The following STIL variants were observed in gnomAD, a reference collection of about 807,000 sequenced individuals.
STIL encodes the protein STIL centriolar assembly protein, also known as SCL-interrupting locus protein.
Under a neutral mutation model 110.1 loss-of-function variants are expected in STIL, and 55 were observed. That is an observed-to-expected ratio of 0.50 (90% CI 0.40 to 0.63). STIL has a LOEUF of 0.63. STIL is among the 20% of genes least tolerant of loss of function. The pLI, the probability that STIL is intolerant of heterozygous loss-of-function variation, is 0.00. For missense variants in STIL, 1,358 were observed against 1,530.0 expected, an observed-to-expected ratio of 0.89 and a Z score of 1.87; for synonymous variants, 481 against 530.0, an observed-to-expected ratio of 0.91 and a Z score of 1.27.
At chr1:47,310,193 T>G (rs1646081115) in intron 2 of STIL, 83 bp downstream of exon 2, 1 of 1,368,214 alleles carries the variant, frequency 7.3e-7, no homozygotes, top group Non-Finnish European at 1.0e-6. Context: ...TTCTAAAGAT[T>G]ATATTCTTTT....
intron 15 of STIL, among the ~76,000 whole-genome samples, chr1:47,261,907 C>CA (rs200699660): frequency 0.019 from 1,535 of 81,910 alleles, 14 homozygotes; most frequent in Middle Eastern, 0.07. Flanking sequence ...GACTCTGTCT[C>CA]AAAAAAAAAA....
chr1:47,305,207 C>A, intron 2 of STIL: 1 of 455,810 alleles, frequency 2.2e-6, no homozygotes, highest in South Asian at 2.5e-5. Flanking sequence ...CTCACTGCAA[C>A]CTCTGCCTCC....
At chr1:47,268,996 C>CTG (rs56132827) in intron 14 of STIL, among the ~76,000 whole-genome samples, 1 of 150,390 alleles carries the variant, frequency 6.6e-6, no homozygotes, top group Non-Finnish European at 1.5e-5. Flanking sequence ...ACACGGGAGG[C>CTG]AGGAGAATGG....
Position 47,310,323 on chromosome 1 carries a change from G to T in STIL, c.-4C>A. 1 of 1,612,486 alleles carries T rather than the reference G, an allele frequency of 6.2e-7. No homozygotes were observed. The highest frequency in any genetic ancestry group is 2.2e-5 in the East Asian group (1 of 44,800). Reference sequence around the variant, plus strand: ...CAAAAGGATATATAGGCTCCATGATGTCTGGTGAATGATTTCTTTAATTCC... The same window carrying T: ...CAAAAGGATATATAGGCTCCATGATTTCTGGTGAATGATTTCTTTAATTCC... On this transcript the variant is annotated 5_prime_UTR_variant, in exon 2 of 17. Coordinates refer to ENST00000371877, the MANE Select transcript of STIL (RefSeq NM_001048166.1).
chr1:47,263,163 A>G (rs1644533031), intron 14 of STIL, 47 bp from the exon 15 acceptor site: 1 of 1,538,598 alleles, frequency 6.5e-7, no homozygotes, highest in Non-Finnish European at 8.9e-7. Flanking sequence ...CCTTTAACAT[A>G]TAATTGAAAT....
At position 47,287,645 on chromosome 1, in the gene STIL, C is replaced by T. The variant is rs866656274; in HGVS notation, c.1039G>A (p.Asp347Asn). The change falls in exon 10 of 17, where the codon GAC (aspartate) becomes AAC (asparagine). Residue 347 changes from aspartate (D) to asparagine (N), a missense_variant. By Grantham distance (23) the Asp-to-Asn change is conservative (BLOSUM62 1). Transcript: ENST00000371877. ...AGTTCACAACGGATTGGATTTTTGT[C>T]AGGAGGTTCAACATTCTGAAATGAA... ...LHLFKNVEPP[D>N]KNPIRCELSA... 8 of 1,613,214 alleles carry T rather than the reference C, an allele frequency of 5.0e-6. No individual in the cohort carries two copies. Among genetic ancestry groups the T allele is most frequent in the African/African-American group, 1.3e-5 (1 of 74,878 alleles).
At chr1:47,292,527 ACT>A (rs1645525219) in intron 8 of STIL, among the ~76,000 whole-genome samples, 1 of 152,188 alleles carries the variant, frequency 6.6e-6, no homozygotes, top group Non-Finnish European at 1.5e-5. Context: ...TGTATTATAA[ACT>A]CTTCAGTTGT....
intron 3 of STIL, 126 bp downstream of exon 3, chr1:47,304,763 G>C (rs1441090017): frequency 1.0e-5 from 8 of 762,358 alleles, no homozygotes; most frequent in Non-Finnish European, 1.8e-5. Flanking sequence ...TTTTGCCTGA[G>C]GGGAGATTCT....
chr1:47,263,832 A>C (rs1368559410), intron 14 of STIL, among the ~76,000 whole-genome samples: 1 of 137,842 alleles, frequency 7.3e-6, no homozygotes, highest in Non-Finnish European at 1.5e-5. Context: ...GGCTGACTGT[A>C]ACCTCTGCCT....
Position 47,251,510 on chromosome 1 carries a change from G to C in STIL, c.3493C>G (p.Leu1165Val). ...TTAGAAGGCTCTTTCTGACCACCAA[G>C]CTGTTCAGGTATGGACCTAAGGTTC... The part of the protein sequence containing the change: ...NQNLRSIPEQ[L>V]GGQKEPSKND... The change falls in exon 17 of 17, where the codon CTT (leucine) becomes GTT (valine). Residue 1165 changes from leucine (L) to valine (V), a missense_variant. By Grantham distance (32) the Leu-to-Val change is conservative. Coordinates refer to ENST00000371877, the MANE Select transcript of STIL (RefSeq NM_001048166.1). The C allele has an allele frequency of 6.2e-7, 1 of 1,614,212 alleles. No individual in the cohort carries two copies. Among genetic ancestry groups the C allele is most frequent in the South Asian group, 1.1e-5 (1 of 91,084 alleles).
intron 10 of STIL, among the ~76,000 whole-genome samples, chr1:47,286,396 G>A (rs185141894): frequency 1.2e-3 from 188 of 151,876 alleles, no homozygotes; most frequent in African/African-American, 4.3e-3. Flanking sequence ...CTGAAGACCT[G>A]CCAAATGATC....
chr1:47,252,397 T>C (rs1394534371), intron 16 of STIL, among the ~76,000 whole-genome samples: 1 of 150,306 alleles, frequency 6.7e-6, no homozygotes, highest in Non-Finnish European at 1.5e-5. Flanking sequence ...AAAGAAAAAA[T>C]AAAGAAAAAA....
chr1:47,265,252 A>AAAAAAAAAAAAAAAAAAAC (rs1553170570), intron 14 of STIL, among the ~76,000 whole-genome samples: 1 of 150,488 alleles, frequency 6.6e-6, no homozygotes, highest in African/African-American at 2.4e-5. Context: ...AAAAAAAAAA[A>AAAAAAAAAAAAAAAAAAAC]AAAAAAAACA....
At chr1:47,303,009 A>AGT (rs1327259427) in intron 3 of STIL, among the ~76,000 whole-genome samples, 3 of 152,214 alleles carry the variant, frequency 2.0e-5, no homozygotes, top group Non-Finnish European at 4.4e-5. Context: ...TACAAAATAT[A>AGT]GTATGATTTA....
chr1:47,310,990 G>C (rs1357071620), intron 1 of STIL, among the ~76,000 whole-genome samples: 1 of 152,094 alleles, frequency 6.6e-6, no homozygotes, highest in Non-Finnish European at 1.5e-5. Flanking sequence ...TGAGACTGCA[G>C]GTGCGCACCA....
Position 47,289,423 on chromosome 1 carries a change from GA to G in STIL, c.1023+11del. On this transcript the variant is annotated intron_variant, in intron 9 of 16. Transcript: ENST00000371877. ...AACAGTCACTAATGTACTAGACAAT[GA>G]AATCACTTACTTTGAAAAGATGTAA... 6.2e-7 allele frequency: 1 copy of G among 1,612,922 alleles called. No homozygotes were observed. Among genetic ancestry groups the G allele is most frequent in the East Asian group, 2.2e-5 (1 of 44,822 alleles).
At chr1:47,296,163 G>A (rs911013066) in intron 6 of STIL, among the ~76,000 whole-genome samples, 1 of 152,142 alleles carries the variant, frequency 6.6e-6, no homozygotes, top group East Asian at 1.9e-4. Context: ...TAACATTAAG[G>A]TAGGCAGTTT....
At chr1:47,268,715 A>C (rs796772424) in intron 14 of STIL, among the ~76,000 whole-genome samples, 58 of 151,968 alleles carry the variant, frequency 3.8e-4, no homozygotes, top group African/African-American at 1.3e-3. Flanking sequence ...TCAAGATCGC[A>C]CCATTGCACT....
At chr1:47,274,127 A>G (rs1305080989) in intron 12 of STIL, among the ~76,000 whole-genome samples, 1 of 152,132 alleles carries the variant, frequency 6.6e-6, no homozygotes, top group African/African-American at 2.4e-5. Flanking sequence ...TAATCTTTAA[A>G]TCTACATATA....
Sources: allele counts gnomAD v4.1 joint callset (sites outside exome capture counted in the v4.1 genomes callset), GRCh38; gene constraint gnomAD v4.1.1; transcripts MANE v1.5; gene names NCBI Gene and HGNC (gene_info 2026-07-23, HGNC 2026-07-21).